Variants in CMIP observed in about 807,000 individuals in gnomAD.
The protein encoded by CMIP is C-Maf-inducing protein.
In CMIP, 13 loss-of-function variants were observed where a neutral mutation model predicts 97.3. The ratio of observed to expected loss-of-function variants is 0.13; its 90% confidence interval spans 0.09 to 0.21. The LOEUF (loss-of-function observed/expected upper bound fraction) is 0.21, where lower values mean the gene tolerates loss of function less well. Among genes scored for constraint, CMIP ranks in the 10% least tolerant of loss-of-function variants. The pLI, the probability that CMIP is intolerant of heterozygous loss-of-function variation, is 1.00. For missense variants in CMIP, 847 were observed against 1,024.9 expected (o/e 0.83, Z 2.37); for synonymous variants, 538 against 436.3 (o/e 1.23, Z -2.91).
At chr16:81,668,368 C>A (rs931975587) in intron 7 of CMIP, among the ~76,000 whole-genome samples, 1 of 152,162 alleles carries the variant, frequency 6.6e-6, no homozygotes, top group Non-Finnish European at 1.5e-5. Flanking sequence ...GATTCACAGG[C>A]CCCTGTCCGG....
chr16:81,699,036 G>T (rs909725452), intron 14 of CMIP, among the ~76,000 whole-genome samples: 2 of 152,210 alleles, frequency 1.3e-5, no homozygotes, highest in Non-Finnish European at 2.9e-5. Context: ...TGGACCACTT[G>T]AGTTCAGGAA....
At chr16:81,645,562 G>A in intron 3 of CMIP, 1 of 1,536,046 alleles carries the variant, frequency 6.5e-7, no homozygotes, top group Non-Finnish European at 8.7e-7. Flanking sequence ...GCTTGCCTCT[G>A]CTGACAGTTG....
At chr16:81,465,686 C>G (rs1907160274) in intron 1 of CMIP, among the ~76,000 whole-genome samples, 1 of 152,392 alleles carries the variant, frequency 6.6e-6, no homozygotes, top group East Asian at 1.9e-4. Flanking sequence ...GAGGGCCTCT[C>G]TGGCTCGACC....
At chr16:81,570,025 A>C (rs532484067) in intron 1 of CMIP, among the ~76,000 whole-genome samples, 1 of 152,134 alleles carries the variant, frequency 6.6e-6, no homozygotes, top group Non-Finnish European at 1.5e-5. Context: ...GTCAAAGCCA[A>C]CTGTCCACCA....
chr16:81,472,739 CTG>C lies in CMIP; in HGVS notation c.300+27201_300+27202del, dbSNP rs1232792495. Among the ~76,000 whole-genome samples the C allele has an allele frequency of 2.6e-5, 4 of 152,314 alleles. No homozygotes were observed. The South Asian group carries it at 6.2e-4, about 24-fold the overall frequency. On this transcript the variant is annotated intron_variant, in intron 1 of 20. Transcript: ENST00000537098. Reference sequence around the variant, plus strand: ...GGTGGCCTGGAGGCAGGAGCTGATCCTGTGCAGATGTGGAGAGGCCGTTGGGA... The same window carrying C: ...GGTGGCCTGGAGGCAGGAGCTGATCCTGCAGATGTGGAGAGGCCGTTGGGA...
At chr16:81,650,160 AC>A (rs945093887) in intron 3 of CMIP, among the ~76,000 whole-genome samples, 9 of 151,768 alleles carry the variant, frequency 5.9e-5, no homozygotes, top group African/African-American at 2.2e-4. Flanking sequence ...CTGTACACTC[AC>A]CCCCGACAAC....
rs1200832009 is a variant in CMIP, at chr16:81,614,403, A to G, written c.427-6473A>G. 6.6e-6 allele frequency among the ~76,000 whole-genome samples: 1 copy of G among 152,194 alleles called. No homozygotes were observed. Among genetic ancestry groups the G allele is most frequent in the East Asian group, 1.9e-4 (1 of 5,198 alleles). On this transcript the variant is annotated intron_variant, in intron 2 of 20. Coordinates refer to ENST00000537098, the MANE Select transcript of CMIP (RefSeq NM_198390.3). The surrounding 1 kb of genome is among the most constrained non-coding windows in gnomAD (Gnocchi z 5.3). Reference sequence around the variant, plus strand: ...TCTCAGGGGCTCCCACGCGCGGGCCACGGGTCACTTCAGCATGACATCAGC... The same window carrying G: ...TCTCAGGGGCTCCCACGCGCGGGCCGCGGGTCACTTCAGCATGACATCAGC...
intron 7 of CMIP, among the ~76,000 whole-genome samples, chr16:81,669,068 ACACT>A (rs1401908324): frequency 3.2e-5 from 4 of 123,560 alleles, no homozygotes; most frequent in East Asian, 2.5e-4. Flanking sequence ...CCCACCTCTC[ACACT>A]CACCTCCTTC....
chr16:81,495,469 GGGGAAGGAT>G, intron 1 of CMIP: 1 of 1,612,816 alleles, frequency 6.2e-7, no homozygotes, highest in Admixed American at 1.7e-5. Flanking sequence ...CCTGGCGTCC[GGGGAAGGAT>G]GGGACAGGCT....
chr16:81,480,225 C>T (rs1338249710), intron 1 of CMIP, among the ~76,000 whole-genome samples: 2 of 152,198 alleles, frequency 1.3e-5, no homozygotes, highest in East Asian at 3.8e-4. Context: ...AGGTAACTTA[C>T]CCAAGCTCTC....
At chr16:81,575,995 A>G (rs1197379319) in intron 1 of CMIP, among the ~76,000 whole-genome samples, 1 of 152,252 alleles carries the variant, frequency 6.6e-6, no homozygotes, top group African/African-American at 2.4e-5. Context: ...CTAAGCAGTC[A>G]CTAGGTATTA....
At chr16:81,505,783 G>T (rs2089698153) in intron 1 of CMIP, among the ~76,000 whole-genome samples, 1 of 152,198 alleles carries the variant, frequency 6.6e-6, no homozygotes, top group African/African-American at 2.4e-5. Context: ...CTGAGGTCAG[G>T]AGTTTGAGAC....
At chr16:81,514,588 G>A (rs150391682) in intron 1 of CMIP, among the ~76,000 whole-genome samples, 1 of 152,268 alleles carries the variant, frequency 6.6e-6, no homozygotes, top group Non-Finnish European at 1.5e-5. Context: ...GTGGCTCTCA[G>A]CACCGCATGG....
intron 3 of CMIP, chr16:81,630,368 A>G (rs1273483121): frequency 6.6e-6 from 1 of 152,272 alleles, no homozygotes. Flanking sequence ...CAGGGCGGGC[A>G]TCACCCATCA....
intron 5 of CMIP, among the ~76,000 whole-genome samples, 193 bp downstream of exon 5, chr16:81,658,009 C>T (rs1215526219): frequency 6.6e-6 from 1 of 151,122 alleles, no homozygotes; most frequent in African/African-American, 2.5e-5. Flanking sequence ...TTGATAGGAG[C>T]GGGAGTGTAA....
intron 1 of CMIP, among the ~76,000 whole-genome samples, chr16:81,512,380 C>T (rs1179179684): frequency 6.6e-6 from 1 of 152,206 alleles, no homozygotes; most frequent in Admixed American, 6.5e-5. Context: ...ATCACCTTTC[C>T]TGCTCATGTT....
chr16:81,598,247 G>A lies in CMIP; in HGVS notation c.301-9320G>A, dbSNP rs547775503. ...AACAGAGCTGACCAACGGGGGTATC[G>A]TCTACAACAGAGCTGACCAACAGGA... On this transcript the variant is annotated intron_variant, in intron 1 of 20. Transcript: ENST00000537098. 1.3e-4 allele frequency among the ~76,000 whole-genome samples: 19 copies of A among 151,504 alleles called. No individual in the cohort carries two copies. In the East Asian group the frequency reaches 3.2e-3, roughly 25 times the overall value.
rs140629666 is a variant in CMIP at position 81,650,968 on chromosome 16, G to A, written c.478-1235G>A. 2.8e-4 allele frequency among the ~76,000 whole-genome samples: 42 copies of A among 152,244 alleles called. No individual in the cohort carries two copies. In the East Asian group the frequency reaches 3.9e-3, roughly 14 times the overall value. ...GTCCCTCAGATACTTCCTTGATAGC[G>A]GTGGGTCCCTTGACCACTTGATAAT... On this transcript the variant is annotated intron_variant, in intron 3 of 20. Coordinates refer to ENST00000537098, the MANE Select transcript of CMIP (RefSeq NM_198390.3).
intron 1 of CMIP, among the ~76,000 whole-genome samples, chr16:81,588,716 A>G (rs2091421546): frequency 6.6e-6 from 1 of 152,118 alleles, no homozygotes; most frequent in African/African-American, 2.4e-5. Context: ...CTCCCCCAGC[A>G]TGCAGGAGAC....
Sources: gnomAD v4.1 joint callset for allele counts (sites outside exome capture counted in the v4.1 genomes callset) on GRCh38, gnomAD v4.1.1 for gene constraint, Gnocchi (gnomAD v3.1) non-coding constraint, MANE v1.5 for transcripts, NCBI Gene and HGNC (gene_info 2026-07-23, HGNC 2026-07-21) for gene names.